The following POFUT3 variants were observed in gnomAD, a reference collection of about 807,000 sequenced individuals.
POFUT3 encodes protein O-fucosyltransferase 3.
At chr8:33,316,255 G>A in the POFUT3 span, among the ~76,000 whole-genome samples, 1 of 152,078 alleles carries the variant, frequency 6.6e-6, no homozygotes, top group African/African-American at 2.4e-5. Flanking sequence ...GGGGTCAGGA[G>A]AGCTTCCTAA....
At chr8:33,399,771 A>G in the POFUT3 span, among the ~76,000 whole-genome samples, 78 of 152,044 alleles carry the variant, frequency 5.1e-4, no homozygotes, top group African/African-American at 1.8e-3. Flanking sequence ...CTCCCACCTC[A>G]GCCTCCCCAG....
chr8:33,395,543 C>A, the POFUT3 span, among the ~76,000 whole-genome samples: 1 of 152,034 alleles, frequency 6.6e-6, no homozygotes, highest in African/African-American at 2.4e-5. Context: ...CCACTGAGAG[C>A]CACTTCCACC....
the POFUT3 span, among the ~76,000 whole-genome samples, chr8:33,398,515 T>C: frequency 6.6e-6 from 1 of 152,182 alleles, no homozygotes; most frequent in Non-Finnish European, 1.5e-5. Flanking sequence ...CTGCCTTTCT[T>C]GCATTTCTAG....
At chr8:33,470,550 A>G in the POFUT3 span, among the ~76,000 whole-genome samples, 2 of 152,224 alleles carry the variant, frequency 1.3e-5, no homozygotes, top group African/African-American at 4.8e-5. Flanking sequence ...GAGGTCTTAT[A>G]CTAATAAGTA....
At chr8:33,308,074 TG>T in the POFUT3 span, among the ~76,000 whole-genome samples, 1 of 152,176 alleles carries the variant, frequency 6.6e-6, no homozygotes, top group African/African-American at 2.4e-5. Flanking sequence ...CCATGTATTT[TG>T]GGATTTATTG....
At chr8:33,325,489 G>A in the POFUT3 span, among the ~76,000 whole-genome samples, 10 of 152,216 alleles carry the variant, frequency 6.6e-5, no homozygotes, top group African/African-American at 2.2e-4. Context: ...ACCATGATAC[G>A]TTAATTTATT....
the POFUT3 span, among the ~76,000 whole-genome samples, chr8:33,329,927 A>G: frequency 6.6e-6 from 1 of 152,218 alleles, no homozygotes; most frequent in Non-Finnish European, 1.5e-5. Context: ...CAAATACTTA[A>G]TAATAGAAGG....
chr8:33,434,944 T>C, the POFUT3 span, among the ~76,000 whole-genome samples: 1 of 152,204 alleles, frequency 6.6e-6, no homozygotes, highest in South Asian at 2.1e-4. Flanking sequence ...GTGCAGATGC[T>C]GTCACTGGCT....
the POFUT3 span, among the ~76,000 whole-genome samples, chr8:33,425,973 G>C: frequency 6.6e-6 from 1 of 151,278 alleles, no homozygotes; most frequent in Non-Finnish European, 1.5e-5. Flanking sequence ...GCATGATCTC[G>C]GCTCACTGCA....
At chr8:33,362,355 T>C in the POFUT3 span, among the ~76,000 whole-genome samples, 1 of 152,124 alleles carries the variant, frequency 6.6e-6, no homozygotes, top group Admixed American at 6.5e-5. Flanking sequence ...GAAGAAACTG[T>C]ATCAATTAAC....
At chr8:33,370,309 C>T in the POFUT3 span, among the ~76,000 whole-genome samples, 21 of 151,094 alleles carry the variant, frequency 1.4e-4, no homozygotes, top group African/African-American at 3.6e-4. Flanking sequence ...GAGCTGAGAT[C>T]GCACCACTGC....
At chr8:33,426,056 A>T in the POFUT3 span, among the ~76,000 whole-genome samples, 2 of 152,120 alleles carry the variant, frequency 1.3e-5, 1 homozygote, top group South Asian at 4.1e-4. Context: ...GGTGCCTGCC[A>T]CCATGCCCAG....
the POFUT3 span, among the ~76,000 whole-genome samples, chr8:33,466,355 G>A: frequency 6.6e-6 from 1 of 152,050 alleles, no homozygotes; most frequent in African/African-American, 2.4e-5. Flanking sequence ...CCTGAGCCCA[G>A]GAGTTCAAGG....
At chr8:33,382,970 G>A in the POFUT3 span, among the ~76,000 whole-genome samples, 4 of 152,036 alleles carry the variant, frequency 2.6e-5, no homozygotes, top group East Asian at 1.9e-4. Flanking sequence ...TATCACACAC[G>A]TGCAACCCAA....
the POFUT3 span, among the ~76,000 whole-genome samples, chr8:33,440,836 T>G: frequency 6.6e-6 from 1 of 152,220 alleles, no homozygotes; most frequent in African/African-American, 2.4e-5. Flanking sequence ...TTTTTAATAT[T>G]TCAAGGGAGT....
At chr8:33,460,814 C>T in the POFUT3 span, 22 of 911,876 alleles carry the variant, frequency 2.4e-5, no homozygotes, top group Non-Finnish European at 2.8e-5. Flanking sequence ...GAAGGGTCTC[C>T]CTGCCAGAGG....
chr8:33,446,415 C>T, the POFUT3 span, among the ~76,000 whole-genome samples: 2 of 151,122 alleles, frequency 1.3e-5, no homozygotes, highest in Admixed American at 1.3e-4. Flanking sequence ...CGATATCACA[C>T]CACTGCACTC....
the POFUT3 span, among the ~76,000 whole-genome samples, chr8:33,348,325 T>C: frequency 2.6e-5 from 4 of 151,194 alleles, no homozygotes; most frequent in East Asian, 7.8e-4. Flanking sequence ...GGCAGAAGAG[T>C]CACTCCCAAT....
At chr8:33,412,786 C>A in the POFUT3 span, among the ~76,000 whole-genome samples, 2 of 152,166 alleles carry the variant, frequency 1.3e-5, no homozygotes, top group African/African-American at 4.8e-5. Context: ...CACCATCATA[C>A]CCAGCTAATT....
Sources: allele counts gnomAD v4.1 joint callset (sites outside exome capture counted in the v4.1 genomes callset), GRCh38; gene constraint gnomAD v4.1.1; transcripts MANE v1.5; gene names NCBI Gene and HGNC (gene_info 2026-07-23, HGNC 2026-07-21).